The following PPP5C variants were observed in gnomAD, a reference collection of about 807,000 sequenced individuals.
The protein encoded by PPP5C is serine/threonine-protein phosphatase 5.
PPP5C carries 21 observed loss-of-function variants against 66.7 expected under a neutral mutation model. The observed-to-expected ratio is 0.31, with a 90% confidence interval of 0.22 to 0.45. The LOEUF (loss-of-function observed/expected upper bound fraction) is 0.45. Among genes scored for constraint, PPP5C ranks in the 20% least tolerant of loss-of-function variants. PPP5C has a pLI of 1.00. For synonymous variants in PPP5C, 246 were observed against 257.4 expected (o/e 0.96, Z 0.43); for missense variants, 464 against 675.9 (o/e 0.69, Z 3.48).
intron 2 of PPP5C, among the ~76,000 whole-genome samples, chr19:46,356,177 T>C (rs1972283390): frequency 6.6e-6 from 1 of 151,884 alleles, no homozygotes; most frequent in Non-Finnish European, 1.5e-5. Flanking sequence ...GAATTCAGAG[T>C]CTTTTACAGA....
chr19:46,359,991 C>G (rs1972355484), intron 2 of PPP5C, among the ~76,000 whole-genome samples: 1 of 152,074 alleles, frequency 6.6e-6, no homozygotes, highest in South Asian at 2.1e-4. Context: ...GTTGGCCAGG[C>G]TGGTCTTGAA....
At chr19:46,373,250 C>T (rs771644381) in intron 2 of PPP5C, among the ~76,000 whole-genome samples, 12 of 152,214 alleles carry the variant, frequency 7.9e-5, no homozygotes, top group Non-Finnish European at 1.6e-4. Flanking sequence ...AAGGGGAGCC[C>T]ATCCCAGCGT....
At chr19:46,362,920 T>A (rs1972416463) in intron 2 of PPP5C, among the ~76,000 whole-genome samples, 1 of 149,844 alleles carries the variant, frequency 6.7e-6, no homozygotes, top group Non-Finnish European at 1.5e-5. Context: ...CCCGAGTACC[T>A]GGGACTACAG....
chr19:46,366,125 G>A lies in PPP5C; in HGVS notation c.364-9479G>A, dbSNP rs117268353. 1.8e-4 allele frequency among the ~76,000 whole-genome samples: 28 copies of A among 152,266 alleles called. No homozygotes were observed. The East Asian group carries it at 5.4e-3, about 29-fold the overall frequency. Reference sequence around the variant, plus strand: ...CTGTGGAATTGGAGGAACACAGTGGGTTTGTTCTGGTACTGAGCATCGAGT... The same window carrying A: ...CTGTGGAATTGGAGGAACACAGTGGATTTGTTCTGGTACTGAGCATCGAGT... On this transcript the variant is annotated intron_variant, in intron 2 of 12. Coordinates refer to ENST00000012443, the MANE Select transcript of PPP5C (RefSeq NM_006247.4).
chr19:46,353,707 G>T, intron 1 of PPP5C, 41 bp from the exon 2 acceptor site: 1 of 1,612,186 alleles, frequency 6.2e-7, no homozygotes, highest in Non-Finnish European at 8.5e-7. Context: ...GTCCTCGCAG[G>T]GTTGGAGCAC....
chr19:46,352,989 C>T (rs775289521), intron 1 of PPP5C, among the ~76,000 whole-genome samples: 6 of 152,192 alleles, frequency 3.9e-5, no homozygotes, highest in Non-Finnish European at 8.8e-5. Flanking sequence ...CCCTGCATGG[C>T]TCTGGTACAT....
At chr19:46,348,172 C>G (rs532068503) in intron 1 of PPP5C, among the ~76,000 whole-genome samples, 2 of 151,822 alleles carry the variant, frequency 1.3e-5, no homozygotes, top group African/African-American at 4.8e-5. Context: ...TGCAAAGGCC[C>G]TGGGATGGGG....
chr19:46,387,007 A>G, intron 7 of PPP5C, 86 bp from the exon 8 acceptor site: 3 of 1,591,280 alleles, frequency 1.9e-6, no homozygotes, highest in Non-Finnish European at 2.6e-6. Flanking sequence ...GGACGCATGC[A>G]CAGTTCTGGG....
Position 46,388,477 on chromosome 19 carries a change from C to G in PPP5C, c.1176+29C>G, listed in dbSNP as rs781071264. The G allele has an allele frequency of 1.1e-5, 18 of 1,609,806 alleles. No individual in the cohort carries two copies. Among genetic ancestry groups the G allele is most frequent in the Admixed American group, 6.7e-5 (4 of 59,828 alleles). The stretch of plus-strand genomic sequence containing the variant: ...AGTCTAGGGTGGGGTGCAGGGCCGG[C>G]GGGTGTGGGCTGTGGCAGCAGGTGG... On this transcript the variant is annotated intron_variant, in intron 10 of 12. Transcript: ENST00000012443. The surrounding 1 kb of genome is among the most constrained non-coding windows in gnomAD (Gnocchi z 4.9).
intron 7 of PPP5C, among the ~76,000 whole-genome samples, chr19:46,386,368 T>A (rs1203573576): frequency 6.6e-6 from 1 of 151,628 alleles, no homozygotes; most frequent in Non-Finnish European, 1.5e-5. Context: ...GCTCACAGGG[T>A]TCACGCAGCA....
At chr19:46,385,086 G>A (rs528131187) in intron 7 of PPP5C, 177 bp downstream of exon 7, 15 of 581,870 alleles carry the variant, frequency 2.6e-5, no homozygotes, top group African/African-American at 5.6e-5. Flanking sequence ...CAAAGGACGC[G>A]TTTACATCAT....
intron 4 of PPP5C, among the ~76,000 whole-genome samples, chr19:46,377,412 G>A (rs1014290131): frequency 3.9e-5 from 6 of 152,194 alleles, no homozygotes; most frequent in Non-Finnish European, 7.3e-5. Flanking sequence ...TTCGAATAGT[G>A]CCTAGCACAT....
At chr19:46,348,755 G>A (rs1183619996) in intron 1 of PPP5C, among the ~76,000 whole-genome samples, 8 of 152,130 alleles carry the variant, frequency 5.3e-5, no homozygotes, top group Admixed American at 4.6e-4. Context: ...AAATGGAAGA[G>A]GGTGAGGCTA....
chr19:46,358,785 A>G (rs1448724352), intron 2 of PPP5C, among the ~76,000 whole-genome samples: 1 of 152,172 alleles, frequency 6.6e-6, no homozygotes, highest in Non-Finnish European at 1.5e-5. Context: ...AACATTGATC[A>G]GTAATTGGCT....
rs1973000043 is a variant in PPP5C at position 46,390,508 on chromosome 19, G to T, written c.*162G>T. 1.4e-6 allele frequency: 2 copies of T among 1,465,808 alleles called. No individual in the cohort carries two copies. The highest frequency in any genetic ancestry group is 2.5e-4 in the Middle Eastern group (1 of 4,044). The allele number at this position is 1,465,808 out of a possible 1,614,324, so 90.8% of individuals were successfully genotyped here. On this transcript the variant is annotated 3_prime_UTR_variant, in exon 13 of 13. Coordinates refer to ENST00000012443, the MANE Select transcript of PPP5C (RefSeq NM_006247.4). The stretch of plus-strand genomic sequence containing the variant: ...CCTTTAGGTTTGCAGAGGGGGTAGG[G>T]GCAGAGTCAGGGGCTGGCCAGAGGG...
chr19:46,377,280 C>T (rs1037524594), intron 4 of PPP5C, among the ~76,000 whole-genome samples: 5 of 152,196 alleles, frequency 3.3e-5, no homozygotes, highest in Non-Finnish European at 7.3e-5. Context: ...TAGCTGTGTG[C>T]CTGTGGGCAG....
chr19:46,347,303 A>T, intron 1 of PPP5C, 86 bp downstream of exon 1: 1 of 1,475,904 alleles, frequency 6.8e-7, no homozygotes, highest in East Asian at 2.5e-5. Context: ...GCGGAGCTGC[A>T]GCCTGGGCGC....
intron 2 of PPP5C, among the ~76,000 whole-genome samples, chr19:46,372,955 C>T (rs1022892590): frequency 1.6e-4 from 25 of 152,240 alleles, no homozygotes; most frequent in African/African-American, 5.3e-4. Context: ...CCTTGCGTGT[C>T]GCAGCAGCTA....
At chr19:46,371,039 C>CTG (rs1057262054) in intron 2 of PPP5C, among the ~76,000 whole-genome samples, 2 of 152,178 alleles carry the variant, frequency 1.3e-5, no homozygotes, top group East Asian at 1.9e-4. Flanking sequence ...CACGTCCAGC[C>CTG]TGTGTGTGTG....
Sources: allele counts gnomAD v4.1 joint callset (sites outside exome capture counted in the v4.1 genomes callset), GRCh38; gene constraint gnomAD v4.1.1; non-coding constraint Gnocchi (gnomAD v3.1); transcripts MANE v1.5; gene names NCBI Gene and HGNC (gene_info 2026-07-23, HGNC 2026-07-21).